Variants in HS3ST4 observed in about 807,000 individuals in gnomAD.
HS3ST4 encodes heparan sulfate-glucosamine 3-sulfotransferase 4.
Under a neutral mutation model 29.2 loss-of-function variants are expected in HS3ST4, and 17 were observed. The ratio of observed to expected loss-of-function variants is 0.58; its 90% confidence interval spans 0.40 to 0.87. The LOEUF (loss-of-function observed/expected upper bound fraction) is 0.87. HS3ST4 is among the 40% of genes least tolerant of loss of function. The probability of loss-of-function intolerance (pLI) is 0.00; values close to 1 mark genes in which losing one functional copy is unlikely to be tolerated. For synonymous variants in HS3ST4, 314 were observed against 285.7 expected (o/e 1.10, Z -1.00); for missense variants, 627 against 634.5 (o/e 0.99, Z 0.13).
intron 1 of HS3ST4, among the ~76,000 whole-genome samples, chr16:25,937,602 C>T (rs369576410): frequency 8.6e-5 from 13 of 152,020 alleles, no homozygotes; most frequent in South Asian, 2.1e-4. Flanking sequence ...AGTGTCCTGG[C>T]GAGAGGTGCA....
chr16:25,912,813 G>A (rs933182242), intron 1 of HS3ST4, among the ~76,000 whole-genome samples: 1 of 152,192 alleles, frequency 6.6e-6, no homozygotes, highest in African/African-American at 2.4e-5. Context: ...TATCTGGCAG[G>A]AACTGGGGAA....
At chr16:25,849,403 T>C (rs996677596) in intron 1 of HS3ST4, among the ~76,000 whole-genome samples, 2 of 152,244 alleles carry the variant, frequency 1.3e-5, no homozygotes, top group African/African-American at 4.8e-5. Context: ...AATGTGTCAC[T>C]TTTTCTTTGA....
chr16:26,038,840 C>A (rs1434237624), intron 1 of HS3ST4, among the ~76,000 whole-genome samples: 3 of 152,060 alleles, frequency 2.0e-5, no homozygotes, highest in Admixed American at 6.6e-5. Flanking sequence ...TCTGCCACCA[C>A]GCCCGGCTAA....
chr16:26,015,001 T>G (rs533985430), intron 1 of HS3ST4, among the ~76,000 whole-genome samples: 125 of 152,292 alleles, frequency 8.2e-4, no homozygotes, highest in African/African-American at 3.0e-3. Flanking sequence ...TGTGGCAAAT[T>G]GTTGAAGAAA....
chr16:25,904,968 C>T (rs1210246007), intron 1 of HS3ST4, among the ~76,000 whole-genome samples: 1 of 152,160 alleles, frequency 6.6e-6, no homozygotes. Context: ...TTATTGAACT[C>T]ATTGAGTAGC....
chr16:25,902,636 G>A (rs547296454), intron 1 of HS3ST4, among the ~76,000 whole-genome samples: 12 of 152,276 alleles, frequency 7.9e-5, no homozygotes, highest in African/African-American at 2.9e-4. Context: ...TGAGTGAAGA[G>A]GGTTGACAGA....
At chr16:26,008,755 G>C (rs1045218200) in intron 1 of HS3ST4, among the ~76,000 whole-genome samples, 6 of 152,266 alleles carry the variant, frequency 3.9e-5, no homozygotes, top group South Asian at 2.1e-4. Flanking sequence ...GGAGGCGGAG[G>C]CTGCAGTGAT....
intron 1 of HS3ST4, among the ~76,000 whole-genome samples, chr16:26,121,828 TG>T (rs1899280670): frequency 6.6e-6 from 1 of 152,192 alleles, no homozygotes; most frequent in East Asian, 1.9e-4. Flanking sequence ...TAACAGACAT[TG>T]GTGTGTGAGG....
intron 1 of HS3ST4, among the ~76,000 whole-genome samples, chr16:26,089,098 T>C (rs1317480938): frequency 6.6e-6 from 1 of 152,194 alleles, no homozygotes; most frequent in Non-Finnish European, 1.5e-5. Context: ...CATGCAAGTG[T>C]ATGCCTAACA....
intron 1 of HS3ST4, among the ~76,000 whole-genome samples, chr16:25,818,139 A>G (rs1967113759): frequency 6.6e-6 from 1 of 152,240 alleles, no homozygotes; most frequent in Admixed American, 6.5e-5. Context: ...ACTGCAAAGC[A>G]AATGTTCTAT....
chr16:25,989,713 T>C (rs1238265867), intron 1 of HS3ST4, among the ~76,000 whole-genome samples: 2 of 152,230 alleles, frequency 1.3e-5, no homozygotes, highest in Admixed American at 6.5e-5. Flanking sequence ...AATTTCCTTT[T>C]GTTTGTTTGT....
At chr16:25,871,726 A>C (rs1219404875) in intron 1 of HS3ST4, among the ~76,000 whole-genome samples, 4 of 152,102 alleles carry the variant, frequency 2.6e-5, no homozygotes, top group African/African-American at 4.8e-5. Flanking sequence ...GTCCCCTCAC[A>C]CATTATGTTA....
intron 1 of HS3ST4, among the ~76,000 whole-genome samples, chr16:26,073,790 T>A (rs1898628694): frequency 6.6e-6 from 1 of 152,226 alleles, no homozygotes; most frequent in South Asian, 2.1e-4. Flanking sequence ...CCAAATATCC[T>A]GGGTTTGAAT....
intron 1 of HS3ST4, among the ~76,000 whole-genome samples, chr16:25,809,827 A>G (rs1179596520): frequency 1.3e-5 from 2 of 152,116 alleles, no homozygotes; most frequent in African/African-American, 2.4e-5. Context: ...CAGGACCTGC[A>G]GTGAGATACC....
In HS3ST4 at chr16:26,066,776, A is replaced by G. The variant is rs1156847706; in HGVS notation, c.735-68836A>G. ...AATTCCACACGATTTCTTGCATCTC[A>G]CTTTAGAATGAGAGCCTCACTCTAC... On this transcript the variant is annotated intron_variant, in intron 1 of 1. Coordinates refer to ENST00000331351, the MANE Select transcript of HS3ST4 (RefSeq NM_006040.3). 3.3e-5 allele frequency among the ~76,000 whole-genome samples: 5 copies of G among 152,344 alleles called. 1 individual carries two copies. The East Asian group carries it at 7.7e-4, about 24-fold the overall frequency.
At chr16:25,756,354 A>G (rs4787759) in intron 1 of HS3ST4, among the ~76,000 whole-genome samples, 9,976 of 152,188 alleles carry the variant, frequency 0.066, 723 homozygotes, top group East Asian at 0.23. Context: ...GCAGAAGATG[A>G]TGATGATTTT....
rs560884911 is a variant in HS3ST4, at chr16:25,825,146, C to T, written c.734+131995C>T. ...TTGAATCCCATGTGACAACAGAAGC[C>T]GAGATTGCACTGATGCATCTACAAG... On this transcript the variant is annotated intron_variant, in intron 1 of 1. Coordinates refer to ENST00000331351, the MANE Select transcript of HS3ST4 (RefSeq NM_006040.3). Among the ~76,000 whole-genome samples, 6 of 152,248 alleles carry T rather than the reference C, an allele frequency of 3.9e-5. No individual in the cohort carries two copies. The East Asian group carries it at 5.8e-4, about 15-fold the overall frequency.
chr16:25,897,983 C>G (rs547491617), intron 1 of HS3ST4, among the ~76,000 whole-genome samples: 10 of 152,140 alleles, frequency 6.6e-5, no homozygotes, highest in African/African-American at 2.4e-4. Flanking sequence ...GTGTGCACTG[C>G]GTTCATCTGA....
intron 1 of HS3ST4, among the ~76,000 whole-genome samples, chr16:26,122,586 G>A (rs953899111): frequency 1.1e-4 from 17 of 152,202 alleles, no homozygotes; most frequent in Admixed American, 7.9e-4. Context: ...ACCTCAGGTG[G>A]TAAGGAGAAA....
Sources: allele counts gnomAD v4.1 joint callset (sites outside exome capture counted in the v4.1 genomes callset), GRCh38; gene constraint gnomAD v4.1.1; transcripts MANE v1.5; gene names NCBI Gene and HGNC (gene_info 2026-07-23, HGNC 2026-07-21).